Variants in RMND5A observed in about 807,000 individuals in gnomAD.
RMND5A encodes the protein E3 ubiquitin-protein transferase RMND5A.
Under a neutral mutation model 49.7 loss-of-function variants are expected in RMND5A, and 17 were observed. The observed-to-expected ratio is 0.34, with a 90% CI of 0.23 to 0.51. The LOEUF (loss-of-function observed/expected upper bound fraction) is 0.51, where lower values mean the gene tolerates loss of function less well. Among genes scored for constraint, RMND5A ranks in the 20% least tolerant of loss-of-function variants. The pLI is 0.96. For missense variants in RMND5A, 255 were observed against 471.3 expected, an observed-to-expected ratio of 0.54 and a Z score of 4.25; for synonymous variants, 156 against 167.7, an observed-to-expected ratio of 0.93 and a Z score of 0.54.
At chr2:86,732,544 A>G (rs1304671034) in intron 1 of RMND5A, among the ~76,000 whole-genome samples, 14 of 146,900 alleles carry the variant, frequency 9.5e-5, no homozygotes, top group Middle Eastern at 3.2e-3. Context: ...CAAAATGCTA[A>G]AAGTGTATTG....
In RMND5A at chr2:86,765,916, C is replaced by G. The variant is rs1319025236; in HGVS notation, c.746C>G (p.Pro249Arg). The G allele has an allele frequency of 6.2e-7, 1 of 1,614,088 alleles. No homozygotes were observed. Among genetic ancestry groups the G allele is most frequent in the East Asian group, 2.2e-5 (1 of 44,888 alleles). ...CTGAGACAAGGGATTGAGAACTCAC[C>G]ATATGTTCACCTACTTGATGCAAAC... is the stretch of plus-strand genomic sequence containing the variant. ...VYLRQGIENSPYVHLLDANQW... is the reference protein window; with the variant it reads ...VYLRQGIENSRYVHLLDANQW... The change falls in exon 6 of 9, where the codon CCA (proline) becomes CGA (arginine). Residue 249 changes from proline (P) to arginine (R), a missense_variant. Physicochemically the swap from Pro to Arg is moderately radical, Grantham distance 103. Coordinates refer to ENST00000283632, the MANE Select transcript of RMND5A (RefSeq NM_022780.4).
chr2:86,762,711 TATATATCATATATATCATATATATC>T (rs1213470543), intron 4 of RMND5A, among the ~76,000 whole-genome samples: 13 of 133,530 alleles, frequency 9.7e-5, no homozygotes, highest in African/African-American at 3.3e-4. Context: ...ATATATATCA[TATATATCATATATATCATATATATC>T]ATATATATAT....
At chr2:86,768,410 A>G (rs938412129) in intron 6 of RMND5A, among the ~76,000 whole-genome samples, 33 of 152,290 alleles carry the variant, frequency 2.2e-4, no homozygotes, top group African/African-American at 7.7e-4. Flanking sequence ...GACAGATGCA[A>G]TTAGCTATAA....
At chr2:86,742,947 T>G (rs1681474906) in intron 2 of RMND5A, among the ~76,000 whole-genome samples, 1 of 152,134 alleles carries the variant, frequency 6.6e-6, no homozygotes, top group African/African-American at 2.4e-5. Context: ...GACCAGGATC[T>G]GGAGCAGTTG....
At position 86,771,653 on chromosome 2, in the gene RMND5A, A is replaced by T; in HGVS notation, c.1053A>T (p.Lys351Asn). Residue 351 changes from lysine (K) to asparagine (N), a missense_variant, in exon 8 of 9, where the codon AAA (lysine) becomes AAT (asparagine). Physicochemically the swap from Lys to Asn is moderately conservative, Grantham distance 94. This residue lies in a region of RMND5A where 208 missense variants were observed against 339.8 expected (regional missense o/e 0.61). Transcript: ENST00000283632. ...QQTTDNNPPMKLVCGHIISRD... is the reference protein window; with the variant it reads ...QQTTDNNPPMNLVCGHIISRD... The stretch of plus-strand genomic sequence containing the variant: ...CAACAGATAACAATCCACCCATGAA[A>T]TTGGTCTGTGGTCATATTATATCAA... The T allele has an allele frequency of 1.9e-6, 3 of 1,613,708 alleles. No individual in the cohort carries two copies. The highest frequency in any genetic ancestry group is 2.5e-6 in the Non-Finnish European group (3 of 1,179,814).
intron 6 of RMND5A, among the ~76,000 whole-genome samples, chr2:86,768,406 T>G: frequency 6.6e-6 from 1 of 152,220 alleles, no homozygotes; most frequent in East Asian, 1.9e-4. Flanking sequence ...AGTGGACAGA[T>G]GCAATTAGCT....
intron 4 of RMND5A, among the ~76,000 whole-genome samples, chr2:86,758,458 C>T (rs557105334): frequency 1.4e-4 from 22 of 151,986 alleles, no homozygotes; most frequent in South Asian, 1.2e-3. Flanking sequence ...TTGTAGTTTC[C>T]GATATTTTGC....
At chr2:86,769,211 G>A (rs915264861) in intron 6 of RMND5A, among the ~76,000 whole-genome samples, 2 of 152,192 alleles carry the variant, frequency 1.3e-5, no homozygotes, top group Admixed American at 6.5e-5. Context: ...CTCCCAAAGT[G>A]CTGCAATTAC....
chr2:86,768,946 C>CT (rs1330326716), intron 6 of RMND5A, among the ~76,000 whole-genome samples: 4 of 152,076 alleles, frequency 2.6e-5, no homozygotes, highest in Non-Finnish European at 4.4e-5. Context: ...TTATGAAATT[C>CT]TTTATATTTT....
intron 3 of RMND5A, 142 bp from the exon 4 acceptor site, chr2:86,753,316 T>C: frequency 1.9e-6 from 1 of 532,310 alleles, no homozygotes; most frequent in East Asian, 3.0e-5. Context: ...AAGAATGTAC[T>C]AGGGGGCAGT....
intron 3 of RMND5A, among the ~76,000 whole-genome samples, chr2:86,753,207 T>C (rs148172144): frequency 6.6e-5 from 10 of 152,194 alleles, no homozygotes; most frequent in African/African-American, 2.2e-4. Flanking sequence ...TTATGTTTCA[T>C]TGGTCAGAAC....
chr2:86,762,537 T>C (rs2104405582), intron 4 of RMND5A, among the ~76,000 whole-genome samples: 1 of 151,848 alleles, frequency 6.6e-6, no homozygotes, highest in African/African-American at 2.4e-5. Context: ...CCCACCTACT[T>C]GGGAGGCCGA....
At chr2:86,769,964 T>G in intron 6 of RMND5A, 59 bp from the exon 7 acceptor site, 4 of 1,264,662 alleles carry the variant, frequency 3.2e-6, no homozygotes, top group Admixed American at 1.7e-5. Context: ...TGATGTCTCC[T>G]TGGACCAAGC....
Position 86,726,471 on chromosome 2 carries a change from G to A in RMND5A, c.142+5662G>A, listed in dbSNP as rs376604954. ...AGTGACTTTGTTTTGAATACAATTT[G>A]ATATCTGTTTTTAACATCTAGTCTG... On this transcript the variant is annotated intron_variant, in intron 1 of 8. Transcript: ENST00000283632. 1.0e-4 allele frequency among the ~76,000 whole-genome samples: 7 copies of A among 69,250 alleles called. 3 individuals are homozygous for A. In the South Asian group the frequency reaches 1.6e-3, roughly 16 times the overall value. The allele number at this position is 69,250 out of a possible 152,430, so 45.4% of individuals were successfully genotyped here.
chr2:86,750,181 G>T (rs1172111893), intron 2 of RMND5A, among the ~76,000 whole-genome samples: 2 of 152,226 alleles, frequency 1.3e-5, no homozygotes, highest in African/African-American at 4.8e-5. Context: ...ATTAGGCTGG[G>T]AAAGCTTTCA....
chr2:86,767,322 C>G (rs949475889), intron 6 of RMND5A, among the ~76,000 whole-genome samples: 1 of 152,208 alleles, frequency 6.6e-6, no homozygotes, highest in Admixed American at 6.5e-5. Context: ...CTTGGCCTCC[C>G]AAGGTGCTGG....
At chr2:86,754,404 T>TAATCC (rs1336150326) in intron 4 of RMND5A, among the ~76,000 whole-genome samples, 1 of 152,256 alleles carries the variant, frequency 6.6e-6, no homozygotes, top group Non-Finnish European at 1.5e-5. Flanking sequence ...TGTGAGCTTA[T>TAATCC]AGCTTTGGAA....
Position 86,774,310 on chromosome 2 carries a change from A to G in RMND5A, c.*899A>G, listed in dbSNP as rs1672729970. 6.6e-6 allele frequency: 1 copy of G among 152,658 alleles called. No homozygotes were observed. The highest frequency in any genetic ancestry group is 6.5e-5 in the Admixed American group (1 of 15,278). 9.5% of individuals were successfully genotyped at this position (152,658 alleles called of 1,614,324 possible). A position where few individuals can be genotyped will look rare whatever the true frequency, so the allele number is the denominator to read the frequency against. The stretch of plus-strand genomic sequence containing the variant: ...GTATTGTATATGTGCACCAGCATCA[A>G]ACATTGTGTATCTGGAAGGAAAGCA... On this transcript the variant is annotated 3_prime_UTR_variant, in exon 9 of 9. Coordinates refer to ENST00000283632, the MANE Select transcript of RMND5A (RefSeq NM_022780.4).
Position 86,775,249 on chromosome 2 carries a change from AC to A in RMND5A, c.*1840del, listed in dbSNP as rs889322202. 1 of 151,874 alleles carries A rather than the reference AC, an allele frequency of 6.6e-6. No homozygotes were observed. Among genetic ancestry groups the A allele is most frequent in the African/African-American group, 2.4e-5 (1 of 41,310 alleles). 9.4% of individuals were successfully genotyped at this position (151,874 alleles called of 1,614,324 possible). On this transcript the variant is annotated 3_prime_UTR_variant, in exon 9 of 9. Coordinates refer to ENST00000283632, the MANE Select transcript of RMND5A (RefSeq NM_022780.4). The stretch of plus-strand genomic sequence containing the variant: ...GTAGAGAATTCCAGGCAACAGTCTG[AC>A]CAAGGGTGTAAACCAGTTTATTATA...
Sources: allele counts gnomAD v4.1 joint callset (sites outside exome capture counted in the v4.1 genomes callset), GRCh38; gene constraint gnomAD v4.1.1; regional missense constraint gnomAD v4.1.1; transcripts MANE v1.5; gene names NCBI Gene and HGNC (gene_info 2026-07-23, HGNC 2026-07-21).